COQ8A: variants seen among roughly 807,000 people sequenced by gnomAD.
The protein encoded by COQ8A is coenzyme Q8A, also known as atypical kinase COQ8A, mitochondrial.
COQ8A carries 51 observed loss-of-function variants against 65.0 expected under a neutral mutation model. The ratio of observed to expected loss-of-function variants is 0.78; its 90% CI spans 0.63 to 0.99. The LOEUF (loss-of-function observed/expected upper bound fraction) is 0.99. COQ8A is among the 50% of genes least tolerant of loss of function. The pLI is 0.00. For synonymous variants in COQ8A, 371 were observed against 353.2 expected (o/e 1.05, Z -0.57); for missense variants, 940 against 875.0 (o/e 1.07, Z -0.94).
intron 5 of COQ8A, among the ~76,000 whole-genome samples, chr1:226,978,585 C>T (rs1279002329): frequency 2.1e-5 from 2 of 95,604 alleles, no homozygotes; most frequent in Admixed American, 9.9e-5. Context: ...CTTACACACT[C>T]TCCACACACT....
At chr1:226,964,635 C>G (rs1208617932) in intron 2 of COQ8A, among the ~76,000 whole-genome samples, 2 of 130,762 alleles carry the variant, frequency 1.5e-5, no homozygotes, top group African/African-American at 5.0e-5. Flanking sequence ...TCAGAGCTTT[C>G]CCTGTCTTTT....
chr1:226,985,234 C>A lies in COQ8A; in HGVS notation c.1573-20C>A. 1 of 1,612,100 alleles carries A rather than the reference C, an allele frequency of 6.2e-7. No individual in the cohort carries two copies. Among genetic ancestry groups the A allele is most frequent in the Non-Finnish European group, 8.5e-7 (1 of 1,179,416 alleles). Reference sequence around the variant, plus strand: ...GAGCTTTTCATGCTGCCCACGGTCCCCTCCTGTGCCTCTCCCCAGATCATC... The same window carrying A: ...GAGCTTTTCATGCTGCCCACGGTCCACTCCTGTGCCTCTCCCCAGATCATC... On this transcript the variant is annotated intron_variant, in intron 13 of 14. Transcript: ENST00000366777.
At chr1:226,954,759 G>A (rs1657586957) in intron 1 of COQ8A, among the ~76,000 whole-genome samples, 1 of 152,220 alleles carries the variant, frequency 6.6e-6, no homozygotes, top group African/African-American at 2.4e-5. Flanking sequence ...CATGGTGTTC[G>A]GTGCTGGAGA....
chr1:226,951,741 T>C (rs1192731213), intron 1 of COQ8A, among the ~76,000 whole-genome samples: 1 of 152,070 alleles, frequency 6.6e-6, no homozygotes, highest in Non-Finnish European at 1.5e-5. Flanking sequence ...CATAGATCTT[T>C]CTTGCAACTG....
intron 1 of COQ8A, among the ~76,000 whole-genome samples, chr1:226,953,306 G>C (rs1178672652): frequency 6.6e-6 from 1 of 152,236 alleles, no homozygotes; most frequent in Non-Finnish European, 1.5e-5. Flanking sequence ...GGGATTACAG[G>C]CATGAGCCAC....
At chr1:226,968,442 T>TA (rs1658687992) in intron 4 of COQ8A, among the ~76,000 whole-genome samples, 1 of 152,254 alleles carries the variant, frequency 6.6e-6, no homozygotes, top group African/African-American at 2.4e-5. Context: ...TTCAGAGACA[T>TA]ACATACTATT....
At position 226,982,883 on chromosome 1, in the gene COQ8A, C is replaced by T. The variant is rs1458615085; in HGVS notation, c.940-11C>T. ...GCATGCTCAGAGCCCCTCCCTGGCC[C>T]TGCCCTTCAGAAAACTCTCAACAAC... On this transcript the variant is annotated splice_polypyrimidine_tract_variant and intron_variant, in intron 7 of 14. Transcript: ENST00000366777. 1 of 1,612,786 alleles carries T rather than the reference C, an allele frequency of 6.2e-7. No individual in the cohort carries two copies.
chr1:226,982,588 G>A (rs977420195), intron 6 of COQ8A, 90 bp from the exon 7 acceptor site: 6 of 1,379,354 alleles, frequency 4.3e-6, no homozygotes, highest in Non-Finnish European at 6.2e-6. Flanking sequence ...AGGGTGTGGT[G>A]GCCAGGGCAT....
At chr1:226,959,108 G>C (rs1657992687) in intron 1 of COQ8A, among the ~76,000 whole-genome samples, 1 of 152,206 alleles carries the variant, frequency 6.6e-6, no homozygotes. Context: ...CTTTGGGATT[G>C]TGGTGCATTA....
chr1:226,946,610 G>A lies in COQ8A; in HGVS notation c.-10+6211G>A, dbSNP rs1657060976. On this transcript the variant is annotated intron_variant, in intron 1 of 14. Coordinates refer to ENST00000366777, the MANE Select transcript of COQ8A (RefSeq NM_020247.5). This position sits in a 1 kb window ranked among gnomAD's most constrained non-coding sequence, Gnocchi z 5.3. Reference sequence around the variant, plus strand: ...TGAGCCTCTTCTCATTTCTCGTTGCGTGTGTGGTTGTTGTCTGTCTAGGAT... The same window carrying A: ...TGAGCCTCTTCTCATTTCTCGTTGCATGTGTGGTTGTTGTCTGTCTAGGAT... 6.6e-6 allele frequency among the ~76,000 whole-genome samples: 1 copy of A among 152,192 alleles called. No homozygotes were observed. Among genetic ancestry groups the A allele is most frequent in the African/African-American group, 2.4e-5 (1 of 41,430 alleles).
At chr1:226,941,515 C>G (rs1386411194) in intron 1 of COQ8A, among the ~76,000 whole-genome samples, 1 of 152,020 alleles carries the variant, frequency 6.6e-6, no homozygotes, top group African/African-American at 2.4e-5. Context: ...GCCTGTAATC[C>G]CAGCACTTTG....
rs144474418 is a variant in COQ8A at position 226,985,876 on chromosome 1, C to G, written c.1659+536C>G. Reference sequence around the variant, plus strand: ...TGAGGCTTGTCAGTATCTCTGAGCCCCCCTTATCTCAGCTGTAAGCGCTCA... The same window carrying G: ...TGAGGCTTGTCAGTATCTCTGAGCCGCCCTTATCTCAGCTGTAAGCGCTCA... On this transcript the variant is annotated intron_variant, in intron 14 of 14. Transcript: ENST00000366777. 2.4e-3 allele frequency among the ~76,000 whole-genome samples: 367 copies of G among 152,334 alleles called. 2 individuals are homozygous for G. Among genetic ancestry groups the G allele is most frequent in the African/African-American group, 8.5e-3 (354 of 41,576 alleles).
Position 226,965,135 on chromosome 1 carries a change from C to G in COQ8A, c.313C>G (p.Pro105Ala). ...CTCCGCTCCCGACCAGTCAGCGCCC[C>G]CATCCCTGGGTCATGCCCACAGCGA... ...SASAPDQSAP[P>A]SLGHAHSEGP... is the part of the protein sequence containing the mutation. The change falls in exon 3 of 15, where the codon CCA becomes GCA. Residue 105 changes from proline to alanine, a missense_variant. Pro to Ala is a conservative substitution (Grantham distance 27). Transcript: ENST00000366777. 1.9e-6 allele frequency: 3 copies of G among 1,613,992 alleles called. No homozygotes were observed. Among genetic ancestry groups the G allele is most frequent in the Non-Finnish European group, 2.5e-6 (3 of 1,180,046 alleles).
At position 226,978,705 on chromosome 1, in the gene COQ8A, TTACATCTTCC is replaced by T. The variant is rs1304966160; in HGVS notation, c.730+1183_730+1192del. ...ACCCTCCACACACCTGCACACCTCC[TTACATCTTCC>T]ACACACCCACCTCATACCTGCACAC... On this transcript the variant is annotated intron_variant, in intron 5 of 14. Coordinates refer to ENST00000366777, the MANE Select transcript of COQ8A (RefSeq NM_020247.5). Among the ~76,000 whole-genome samples the T allele has an allele frequency of 1.1e-3, 68 of 60,356 alleles. 1 individual carries two copies. Among genetic ancestry groups the T allele is most frequent in the African/African-American group, 3.2e-3 (59 of 18,440 alleles). The allele number at this position is 60,356 out of a possible 152,430, so 39.6% of individuals were successfully genotyped here. A position where few individuals can be genotyped will look rare whatever the true frequency, so the allele number is the denominator to read the frequency against.
At position 226,981,772 on chromosome 1, in the gene COQ8A, G is replaced by A. The variant is rs115795260; in HGVS notation, c.731-255G>A. Among the ~76,000 whole-genome samples the A allele has an allele frequency of 6.0e-3, 917 of 152,322 alleles. 10 individuals are homozygous for A. The highest frequency in any genetic ancestry group is 0.021 in the African/African-American group (863 of 41,568). ...CATATGGAAGGGAGAGGCCCTTTGT[G>A]TGTGTGCGTTTGTGTGTGCACATAT... On this transcript the variant is annotated intron_variant, in intron 5 of 14. Coordinates refer to ENST00000366777, the MANE Select transcript of COQ8A (RefSeq NM_020247.5).
chr1:226,973,531 C>T (rs1270329045), intron 4 of COQ8A, among the ~76,000 whole-genome samples: 1 of 152,172 alleles, frequency 6.6e-6, no homozygotes, highest in Non-Finnish European at 1.5e-5. Context: ...GGCTTCCCTT[C>T]CCCCACCAGT....
intron 5 of COQ8A, among the ~76,000 whole-genome samples, chr1:226,981,408 A>G (rs564650085): frequency 1.1e-4 from 17 of 152,348 alleles, no homozygotes; most frequent in African/African-American, 3.6e-4. Context: ...GGGTCACTGC[A>G]TGCTCATCAC....
At chr1:226,960,496 G>GGCA (rs1658166297) in intron 1 of COQ8A, among the ~76,000 whole-genome samples, 1 of 151,796 alleles carries the variant, frequency 6.6e-6, no homozygotes, top group Non-Finnish European at 1.5e-5. Flanking sequence ...TGGTGGTGGT[G>GGCA]GTGGTGCTTG....
In COQ8A at chr1:226,950,423, C is replaced by T. The variant is rs372047203; in HGVS notation, c.-10+10024C>T. On this transcript the variant is annotated intron_variant, in intron 1 of 14. Coordinates refer to ENST00000366777, the MANE Select transcript of COQ8A (RefSeq NM_020247.5). ...CTGTTTTGCTCTTTTTCTCCTCTTACCTGTTAAACAGGTTGCCTAGCTCCT... is the reference window on the plus strand; with the variant it reads ...CTGTTTTGCTCTTTTTCTCCTCTTATCTGTTAAACAGGTTGCCTAGCTCCT... 2.4e-4 allele frequency among the ~76,000 whole-genome samples: 37 copies of T among 152,338 alleles called. No homozygotes were observed. In the East Asian group the frequency reaches 2.5e-3, roughly 10 times the overall value.
Sources: allele counts gnomAD v4.1 joint callset (sites outside exome capture counted in the v4.1 genomes callset), GRCh38; gene constraint gnomAD v4.1.1; non-coding constraint Gnocchi (gnomAD v3.1); transcripts MANE v1.5; gene names NCBI Gene and HGNC (gene_info 2026-07-23, HGNC 2026-07-21).